The following HS6ST3 variants were observed in gnomAD, a reference collection of about 807,000 sequenced individuals.
HS6ST3 encodes the protein heparan sulfate 6-O-sulfotransferase 3, also known as heparan-sulfate 6-O-sulfotransferase 3.
HS6ST3 carries 12 observed loss-of-function variants against 36.7 expected under a neutral mutation model. That is an observed-to-expected ratio of 0.33 (90% confidence interval 0.21 to 0.53). HS6ST3 has a LOEUF of 0.53. HS6ST3 is among the 20% of genes least tolerant of loss of function. The pLI is 0.95. For missense variants in HS6ST3, 584 were observed against 640.9 expected (o/e 0.91, Z 0.96); for synonymous variants, 240 against 257.5 (o/e 0.93, Z 0.65).
intron 1 of HS6ST3, among the ~76,000 whole-genome samples, chr13:96,306,442 G>A (rs1259074768): frequency 6.6e-6 from 1 of 152,020 alleles, no homozygotes; most frequent in Non-Finnish European, 1.5e-5. Context: ...AACTCCTGTC[G>A]TCAAGTGGTC....
At chr13:96,182,840 G>A (rs550888155) in intron 1 of HS6ST3, among the ~76,000 whole-genome samples, 2 of 152,272 alleles carry the variant, frequency 1.3e-5, no homozygotes, top group South Asian at 4.1e-4. Flanking sequence ...GGAATCAAGT[G>A]AAATAAAATA....
chr13:96,661,782 C>T (rs180829103), intron 1 of HS6ST3, among the ~76,000 whole-genome samples: 4 of 152,166 alleles, frequency 2.6e-5, no homozygotes, highest in East Asian at 3.9e-4. Context: ...CTTGTGGGTC[C>T]GGTCTATTGG....
At chr13:96,261,027 A>G (rs1332177668) in intron 1 of HS6ST3, among the ~76,000 whole-genome samples, 4 of 152,152 alleles carry the variant, frequency 2.6e-5, no homozygotes, top group Non-Finnish European at 5.9e-5. Flanking sequence ...TAAAAGCCAA[A>G]TAGGAATCAT....
intron 1 of HS6ST3, among the ~76,000 whole-genome samples, chr13:96,587,854 T>C (rs2056367534): frequency 3.9e-5 from 6 of 152,226 alleles, no homozygotes; most frequent in Admixed American, 6.5e-5. Context: ...GTATGGACAA[T>C]GTAACAATAT....
At chr13:96,751,418 A>C (rs548906381) in intron 1 of HS6ST3, among the ~76,000 whole-genome samples, 42 of 152,214 alleles carry the variant, frequency 2.8e-4, no homozygotes, top group Non-Finnish European at 4.0e-4. Flanking sequence ...GAGCCACCAG[A>C]AACTGGAAAG....
chr13:96,129,389 C>T (rs2053965914), intron 1 of HS6ST3, among the ~76,000 whole-genome samples: 1 of 152,194 alleles, frequency 6.6e-6, no homozygotes, highest in South Asian at 2.1e-4. Flanking sequence ...GAGTAAGTTA[C>T]AGAGGGTGGA....
intron 1 of HS6ST3, among the ~76,000 whole-genome samples, chr13:96,630,758 A>G (rs1257312147): frequency 2.0e-5 from 3 of 152,022 alleles, no homozygotes; most frequent in Non-Finnish European, 2.9e-5. Flanking sequence ...CTTTCAATTC[A>G]TTTTGGATTC....
At chr13:96,701,133 T>A (rs1875274590) in intron 1 of HS6ST3, among the ~76,000 whole-genome samples, 1 of 152,224 alleles carries the variant, frequency 6.6e-6, no homozygotes, top group Admixed American at 6.5e-5. Flanking sequence ...TTTTAAATAG[T>A]TGGATTGATC....
At chr13:96,646,177 G>A (rs186765703) in intron 1 of HS6ST3, among the ~76,000 whole-genome samples, 23 of 152,110 alleles carry the variant, frequency 1.5e-4, no homozygotes, top group South Asian at 6.2e-4. Context: ...CTGAATTGGC[G>A]TTTGCGGTGA....
chr13:96,594,491 A>G (rs1204431718), intron 1 of HS6ST3, among the ~76,000 whole-genome samples: 1 of 152,110 alleles, frequency 6.6e-6, no homozygotes, highest in Non-Finnish European at 1.5e-5. Flanking sequence ...GACCTTTGCT[A>G]TATCATTACC....
chr13:96,215,798 T>C (rs1270385711), intron 1 of HS6ST3, among the ~76,000 whole-genome samples: 1 of 152,222 alleles, frequency 6.6e-6, no homozygotes, highest in Non-Finnish European at 1.5e-5. Flanking sequence ...TTGTGGTTCC[T>C]GGCTTTGTAT....
intron 1 of HS6ST3, among the ~76,000 whole-genome samples, chr13:96,669,463 T>G (rs759688394): frequency 2.6e-5 from 4 of 152,116 alleles, no homozygotes; most frequent in Non-Finnish European, 5.9e-5. Context: ...CCTTCCTCAA[T>G]GGCCCATTTT....
chr13:96,796,033 C>T (rs770130818), intron 1 of HS6ST3, among the ~76,000 whole-genome samples: 1 of 152,076 alleles, frequency 6.6e-6, no homozygotes, highest in Non-Finnish European at 1.5e-5. Context: ...TCATCATAGT[C>T]CTTGATGTCA....
At chr13:96,539,347 G>C (rs1299649910) in intron 1 of HS6ST3, among the ~76,000 whole-genome samples, 1 of 151,506 alleles carries the variant, frequency 6.6e-6, no homozygotes, top group East Asian at 1.9e-4. Flanking sequence ...GCACAACTCA[G>C]TTTGGACACT....
chr13:96,097,668 T>G (rs986838201), intron 1 of HS6ST3, among the ~76,000 whole-genome samples: 1 of 152,210 alleles, frequency 6.6e-6, no homozygotes, highest in South Asian at 2.1e-4. Flanking sequence ...CCCTGTTGAT[T>G]TTAATTAGCT....
In HS6ST3 at chr13:96,450,739, AG is replaced by A. The variant is rs145865437; in HGVS notation, c.707+359171del. Among the ~76,000 whole-genome samples the A allele has an allele frequency of 1.3e-3, 195 of 152,360 alleles. 3 individuals carry two copies. The East Asian group carries it at 0.035, about 27-fold the overall frequency. On this transcript the variant is annotated intron_variant, in intron 1 of 1. Coordinates refer to ENST00000376705, the MANE Select transcript of HS6ST3 (RefSeq NM_153456.4). ...ATATTTTCTTTGCTGAGAAAAAGGC[AG>A]TAACTGTCCCTGCTCATTATGAAAT...
chr13:96,723,322 C>A (rs947766334), intron 1 of HS6ST3, among the ~76,000 whole-genome samples: 3 of 152,022 alleles, frequency 2.0e-5, no homozygotes, highest in Admixed American at 2.0e-4. Flanking sequence ...ATAAGGTTCT[C>A]CAGCAGAAAC....
intron 1 of HS6ST3, among the ~76,000 whole-genome samples, chr13:96,218,475 G>A (rs1185321945): frequency 6.6e-5 from 10 of 152,162 alleles, no homozygotes; most frequent in Non-Finnish European, 1.2e-4. Flanking sequence ...GGCTGTGTGC[G>A]CTAATCTGTC....
chr13:96,809,843 G>A (rs1364023594), intron 1 of HS6ST3, among the ~76,000 whole-genome samples: 2 of 152,176 alleles, frequency 1.3e-5, no homozygotes, highest in East Asian at 1.9e-4. Context: ...CTTGAAAGGT[G>A]AAGATAATGA....
Sources: gnomAD v4.1 joint callset for allele counts (sites outside exome capture counted in the v4.1 genomes callset) on GRCh38, gnomAD v4.1.1 for gene constraint, MANE v1.5 for transcripts, NCBI Gene and HGNC (gene_info 2026-07-23, HGNC 2026-07-21) for gene names.